The following NPIPB2 variants were observed in gnomAD, a reference collection of about 807,000 sequenced individuals.
NPIPB2 encodes the protein nuclear pore complex interacting protein family member B2.
NPIPB2 carries 27 observed loss-of-function variants against 30.8 expected under a neutral mutation model. The ratio of observed to expected loss-of-function variants is 0.88; its 90% CI spans 0.65 to 1.21. The LOEUF (loss-of-function observed/expected upper bound fraction) is 1.21, where lower values mean the gene tolerates loss of function less well. Among genes scored for constraint, NPIPB2 ranks in the 50% most tolerant of loss-of-function variants. The pLI, the probability that NPIPB2 is intolerant of heterozygous loss-of-function variation, is 0.00. For synonymous variants in NPIPB2, 147 were observed against 162.0 expected (o/e 0.91, Z 0.70); for missense variants, 440 against 446.2 (o/e 0.99, Z 0.13).
chr16:11,954,514 A>G (rs1379646798), intron 1 of NPIPB2, among the ~76,000 whole-genome samples: 2 of 151,696 alleles, frequency 1.3e-5, no homozygotes, highest in African/African-American at 4.8e-5. Context: ...AAGAATGTTA[A>G]CTTTAAAAAG....
At chr16:11,968,092 G>T in intron 1 of NPIPB2, 15 of 415,996 alleles carry the variant, frequency 3.6e-5, no homozygotes, top group Admixed American at 1.3e-4. Flanking sequence ...ATTAACGTGA[G>T]TTTTTAAAAA....
intron 1 of NPIPB2, chr16:11,966,294 T>G: frequency 6.2e-7 from 1 of 1,614,080 alleles, no homozygotes; most frequent in South Asian, 1.1e-5. Flanking sequence ...ATGTTTTTGC[T>G]AAGGAAGATA....
At chr16:11,975,735 C>A (rs927127969) in intron 1 of NPIPB2, among the ~76,000 whole-genome samples, 1 of 151,924 alleles carries the variant, frequency 6.6e-6, no homozygotes, top group Admixed American at 6.6e-5. Flanking sequence ...GGACTACAGG[C>A]GCACGCCACC....
At chr16:11,960,163 G>A (rs1271076272) in intron 1 of NPIPB2, among the ~76,000 whole-genome samples, 1 of 152,118 alleles carries the variant, frequency 6.6e-6, no homozygotes, top group Non-Finnish European at 1.5e-5. Flanking sequence ...CTTCCATTGT[G>A]AGGCTCCCAG....
intron 1 of NPIPB2, among the ~76,000 whole-genome samples, chr16:11,972,356 G>GT (rs1328710102): frequency 6.6e-6 from 1 of 151,758 alleles, no homozygotes; most frequent in African/African-American, 2.4e-5. Context: ...TGGGCAGATC[G>GT]TAAGGTCAGG....
intron 1 of NPIPB2, chr16:11,966,484 CT>C (rs2055195276): frequency 1.2e-6 from 1 of 862,088 alleles, no homozygotes; most frequent in Non-Finnish European, 1.7e-6. Context: ...ATTAAATGAA[CT>C]TGGTAGAGGT....
intron 1 of NPIPB2, among the ~76,000 whole-genome samples, chr16:11,949,695 C>T (rs769415850): frequency 6.6e-6 from 1 of 152,224 alleles, no homozygotes; most frequent in Non-Finnish European, 1.5e-5. Flanking sequence ...CCTGAGCCAG[C>T]CTCTCAGAGC....
intron 1 of NPIPB2, chr16:11,966,460 T>C: frequency 1.9e-6 from 2 of 1,028,364 alleles, no homozygotes; most frequent in South Asian, 3.5e-5. Flanking sequence ...TCGAATGTGT[T>C]AGAACATTGT....
At chr16:11,965,823 C>G (rs796100220) in intron 1 of NPIPB2, among the ~76,000 whole-genome samples, 2 of 152,080 alleles carry the variant, frequency 1.3e-5, no homozygotes, top group East Asian at 1.9e-4. Context: ...TCAAGTATGA[C>G]AGCCGGGTGC....
At chr16:11,937,558 G>A (rs1487870649) in exon 2 of NPIPB2, 1 of 1,598,742 alleles carries the variant, frequency 6.3e-7, no homozygotes. Context: ...AAACTGTCCA[G>A]AGGGTAAGGA....
upstream of NPIPB2, among the ~76,000 whole-genome samples, chr16:11,946,254 A>C (rs1028944130): frequency 2.6e-5 from 4 of 151,780 alleles, no homozygotes; most frequent in African/African-American, 9.7e-5. Context: ...GCATGGTGGC[A>C]CATGCCTATA....
intron 1 of NPIPB2, among the ~76,000 whole-genome samples, chr16:11,969,738 A>G (rs556031000): frequency 1.1e-4 from 17 of 152,328 alleles, no homozygotes; most frequent in Middle Eastern, 6.8e-3. Flanking sequence ...GCAAACTGTG[A>G]TAACGGTGCA....
rs573435257 is a variant in NPIPB2 at position 11,975,351 on chromosome 16, T to G, written c.-584+1217A>C. 1.4e-4 allele frequency among the ~76,000 whole-genome samples: 20 copies of G among 147,372 alleles called. No individual in the cohort carries two copies. The East Asian group carries it at 3.2e-3, about 23-fold the overall frequency. On this transcript the variant is annotated intron_variant, in intron 1 of 5. Transcript: ENST00000538896. ...TTTAGTAGAGACGGGGTTTCACCGT[T>G]TTAGCCGGGATGGTCTCGATCTCCT...
intron 1 of NPIPB2, chr16:11,968,513 G>C (rs761744116): frequency 6.6e-6 from 1 of 152,100 alleles, no homozygotes; most frequent in South Asian, 2.1e-4. Context: ...AAGACCTCCA[G>C]CTTCATCTTC....
chr16:11,953,687 T>A (rs1241210598), intron 1 of NPIPB2, among the ~76,000 whole-genome samples: 1 of 151,130 alleles, frequency 6.6e-6, no homozygotes, highest in Non-Finnish European at 1.5e-5. Flanking sequence ...TTTTTTGCTT[T>A]CAGATCATCC....
chr16:11,953,496 G>A (rs1034488792), intron 1 of NPIPB2, among the ~76,000 whole-genome samples: 2 of 151,950 alleles, frequency 1.3e-5, no homozygotes, highest in African/African-American at 4.8e-5. Context: ...GACTACAGGT[G>A]CATGCCACCA....
chr16:11,976,136 C>G (rs1243195202), intron 1 of NPIPB2, among the ~76,000 whole-genome samples: 3 of 151,998 alleles, frequency 2.0e-5, no homozygotes, highest in Non-Finnish European at 2.9e-5. Context: ...CTCCTTTTCT[C>G]ACTCACCCTC....
At chr16:11,976,583 C>G in exon 1 of NPIPB2, 1 of 361,636 alleles carries the variant, frequency 2.8e-6, no homozygotes, top group Non-Finnish European at 4.9e-6. Context: ...GTCTCCAGCC[C>G]GCGTAGCCTC....
intron 1 of NPIPB2, among the ~76,000 whole-genome samples, chr16:11,938,528 G>C (rs1436552878): frequency 6.6e-6 from 1 of 150,586 alleles, no homozygotes; most frequent in Non-Finnish European, 1.5e-5. Flanking sequence ...ATGGGGTTTT[G>C]CCATGTTGGC....
Sources: gnomAD v4.1 joint callset for allele counts (sites outside exome capture counted in the v4.1 genomes callset) on GRCh38, gnomAD v4.1.1 for gene constraint, MANE v1.5 for transcripts, NCBI Gene and HGNC (gene_info 2026-07-23, HGNC 2026-07-21) for gene names.